CAMTA1: variants seen among roughly 807,000 people sequenced by gnomAD.
CAMTA1 encodes the protein calmodulin binding transcription activator 1, also known as calmodulin-binding transcription activator 1.
CAMTA1 carries 27 observed loss-of-function variants against 170.9 expected under a neutral mutation model. That is an observed-to-expected ratio of 0.16 (90% CI 0.12 to 0.22). The LOEUF is 0.22. Among genes scored for constraint, CAMTA1 ranks in the 10% least tolerant of loss-of-function variants. The pLI, the probability that CAMTA1 is intolerant of heterozygous loss-of-function variation, is 1.00. For synonymous variants in CAMTA1, 833 were observed against 891.5 expected (o/e 0.93, Z 1.17); for missense variants, 1,619 against 2,217.2 (o/e 0.73, Z 5.42).
intron 4 of CAMTA1, among the ~76,000 whole-genome samples, chr1:7,177,936 C>G (rs913731413): frequency 6.6e-6 from 1 of 151,860 alleles, no homozygotes; most frequent in Non-Finnish European, 1.5e-5. Context: ...ACAGAGGCTC[C>G]TCTCCACACA....
intron 3 of CAMTA1, among the ~76,000 whole-genome samples, chr1:6,892,597 CTT>C (rs70984032): frequency 4.5e-4 from 54 of 120,806 alleles, no homozygotes; most frequent in Non-Finnish European, 5.7e-4. Flanking sequence ...TTTTTCTTTT[CTT>C]TTTTTTTTTT....
At chr1:6,840,678 C>T (rs765549362) in intron 3 of CAMTA1, among the ~76,000 whole-genome samples, 3 of 152,080 alleles carry the variant, frequency 2.0e-5, no homozygotes, top group Non-Finnish European at 2.9e-5. Context: ...GCCGTCAATG[C>T]GCAGGTGACA....
intron 5 of CAMTA1, among the ~76,000 whole-genome samples, chr1:7,305,967 T>C (rs969734129): frequency 6.6e-6 from 1 of 152,040 alleles, no homozygotes; most frequent in Non-Finnish European, 1.5e-5. Context: ...TCCTCTTAAG[T>C]GAAGTATCTG....
intron 1 of CAMTA1, among the ~76,000 whole-genome samples, chr1:6,794,484 T>C (rs536656449): frequency 6.6e-6 from 1 of 152,198 alleles, no homozygotes; most frequent in South Asian, 2.1e-4. Context: ...ATTGGCAAAA[T>C]TGTTTATTGC....
intron 7 of CAMTA1, among the ~76,000 whole-genome samples, chr1:7,661,039 A>G (rs565394779): frequency 1.1e-4 from 17 of 152,348 alleles, no homozygotes; most frequent in Admixed American, 9.1e-4. Context: ...AAGTGCAGGG[A>G]GGAAGGTTGA....
At chr1:7,459,573 G>A (rs1034129192) in intron 5 of CAMTA1, among the ~76,000 whole-genome samples, 2 of 152,182 alleles carry the variant, frequency 1.3e-5, no homozygotes, top group Admixed American at 6.5e-5. Context: ...CCTTCTGTGA[G>A]CCCCACAGCC....
At chr1:6,901,951 A>G (rs967498726) in intron 3 of CAMTA1, among the ~76,000 whole-genome samples, 2 of 150,502 alleles carry the variant, frequency 1.3e-5, no homozygotes, top group Non-Finnish European at 3.0e-5. Context: ...AGGCTGAGGC[A>G]GGAGAATAGT....
At chr1:7,597,900 C>A (rs1294417538) in intron 6 of CAMTA1, among the ~76,000 whole-genome samples, 1 of 149,930 alleles carries the variant, frequency 6.7e-6, no homozygotes, top group Non-Finnish European at 1.5e-5. Context: ...TATACATATG[C>A]CGTGGTGGTT....
At chr1:7,008,972 A>G (rs1699404787) in intron 3 of CAMTA1, among the ~76,000 whole-genome samples, 1 of 152,236 alleles carries the variant, frequency 6.6e-6, no homozygotes, top group Non-Finnish European at 1.5e-5. Context: ...CCAATGGGGA[A>G]GGAGCATCTC....
intron 5 of CAMTA1, among the ~76,000 whole-genome samples, chr1:7,448,181 A>C (rs2092725956): frequency 6.6e-6 from 1 of 152,154 alleles, no homozygotes; most frequent in Admixed American, 6.5e-5. Flanking sequence ...TGGGGTGAGG[A>C]GGAGGGCACA....
intron 5 of CAMTA1, among the ~76,000 whole-genome samples, chr1:7,280,279 C>T (rs1671324705): frequency 6.6e-6 from 1 of 152,258 alleles, no homozygotes; most frequent in Admixed American, 6.5e-5. Context: ...GAATTGCGCC[C>T]ACCAGGGAAG....
chr1:7,614,625 A>G (rs79257815), intron 6 of CAMTA1, among the ~76,000 whole-genome samples: 1,802 of 152,178 alleles, frequency 0.012, 24 homozygotes, highest in African/African-American at 0.04. Context: ...CTCACTTGGG[A>G]ATGTTTATGG....
chr1:7,188,896 A>G (rs561925300), intron 4 of CAMTA1, among the ~76,000 whole-genome samples: 19 of 152,348 alleles, frequency 1.2e-4, no homozygotes, highest in African/African-American at 4.6e-4. Context: ...ACCATTTTCC[A>G]TAGCAGCAGC....
chr1:6,831,108 G>A (rs1649934909), intron 3 of CAMTA1, among the ~76,000 whole-genome samples: 1 of 152,124 alleles, frequency 6.6e-6, no homozygotes, highest in Admixed American at 6.5e-5. Flanking sequence ...GTGAGCCATC[G>A]CGCCCGGCCC....
chr1:7,187,423 T>C (rs1653595582), intron 4 of CAMTA1, among the ~76,000 whole-genome samples: 1 of 152,140 alleles, frequency 6.6e-6, no homozygotes. Context: ...TGAAAGCAGA[T>C]GGTGATTTTT....
chr1:7,317,024 C>G (rs990580522), intron 5 of CAMTA1, among the ~76,000 whole-genome samples: 12 of 152,302 alleles, frequency 7.9e-5, no homozygotes, highest in African/African-American at 2.9e-4. Flanking sequence ...GGTGCAGAAA[C>G]AAACTATCAA....
chr1:7,004,960 CG>C (rs1698768965), intron 3 of CAMTA1, among the ~76,000 whole-genome samples: 1 of 152,056 alleles, frequency 6.6e-6, no homozygotes, highest in Non-Finnish European at 1.5e-5. Flanking sequence ...TTAGTAGAGA[CG>C]GGGTTTCACT....
chr1:7,508,628 G>A lies in CAMTA1; in HGVS notation c.510+40727G>A, dbSNP rs12067431. Among the ~76,000 whole-genome samples, 899 of 152,030 alleles carry A rather than the reference G, an allele frequency of 5.9e-3. 4 individuals are homozygous for A. The highest frequency in any genetic ancestry group is 0.013 in the African/African-American group (519 of 41,436). ...CAAAGGCTCAGAGAATATTTGTTGA[G>A]TCAGTGAATGAGGGAAGGAGGGAGG... is the stretch of plus-strand genomic sequence containing the variant. On this transcript the variant is annotated intron_variant, in intron 6 of 22. Transcript: ENST00000303635.
intron 5 of CAMTA1, among the ~76,000 whole-genome samples, chr1:7,336,535 G>A (rs2083393104): frequency 6.6e-6 from 1 of 152,208 alleles, no homozygotes; most frequent in Admixed American, 6.5e-5. Flanking sequence ...GGCCTCTCAG[G>A]AGCATGTACG....
Sources: gnomAD v4.1 joint callset for allele counts (sites outside exome capture counted in the v4.1 genomes callset) on GRCh38, gnomAD v4.1.1 for gene constraint, MANE v1.5 for transcripts, NCBI Gene and HGNC (gene_info 2026-07-23, HGNC 2026-07-21) for gene names.